The following MTAP variants were observed in gnomAD, a reference collection of about 807,000 sequenced individuals.
The protein encoded by MTAP is methylthioadenosine phosphorylase, also known as S-methyl-5'-thioadenosine phosphorylase.
Under a neutral mutation model 33.6 loss-of-function variants are expected in MTAP, and 33 were observed. The observed-to-expected ratio is 0.98, with a 90% CI of 0.74 to 1.31. The LOEUF is 1.31. MTAP is among the 40% of genes most tolerant of loss of function. MTAP has a pLI of 0.00. For missense variants in MTAP, 367 were observed against 360.0 expected (o/e 1.02, Z -0.16); for synonymous variants, 148 against 125.7 (o/e 1.18, Z -1.19).
At chr9:21,833,200 T>C (rs1357742155) in intron 4 of MTAP, among the ~76,000 whole-genome samples, 1 of 152,136 alleles carries the variant, frequency 6.6e-6, no homozygotes, top group Non-Finnish European at 1.5e-5. Flanking sequence ...CACTTCTCTT[T>C]TTTTTGAGAC....
chr9:21,813,825 C>A (rs1325333433), intron 1 of MTAP: 1 of 152,066 alleles, frequency 6.6e-6, no homozygotes, highest in African/African-American at 2.4e-5. Flanking sequence ...CTTCAGAGGT[C>A]CACGGAATGA....
chr9:21,882,939 A>T (rs994552066), intron 1 of MTAP, among the ~76,000 whole-genome samples: 1 of 151,922 alleles, frequency 6.6e-6, no homozygotes, highest in Admixed American at 6.6e-5. Context: ...ATATGTTCAG[A>T]GGGAAATTTA....
At position 21,866,975 on chromosome 9, in the gene MTAP, G is replaced by A. The variant is rs903361109; in HGVS notation, c.*4961G>A. ...TTTTGTGGAAATGTTACTGTAAATA[G>A]TACTTTAATTTCATTTTTAAGTTTA... On this transcript the variant is annotated 3_prime_UTR_variant, in exon 8 of 8. Transcript: ENST00000644715. 7 of 152,088 alleles carry A rather than the reference G, an allele frequency of 4.6e-5. No individual in the cohort carries two copies. Among genetic ancestry groups the A allele is most frequent in the African/African-American group, 1.7e-4 (7 of 41,422 alleles). The allele number at this position is 152,088 out of a possible 1,614,324, so 9.4% of individuals were successfully genotyped here.
intron 1 of MTAP, among the ~76,000 whole-genome samples, chr9:21,901,494 T>C (rs1482907993): frequency 6.6e-6 from 1 of 152,158 alleles, no homozygotes; most frequent in African/African-American, 2.4e-5. Context: ...GCACAGAAAA[T>C]TGCCACATTT....
downstream of MTAP, chr9:21,935,675 T>C (rs1281149645): frequency 6.6e-6 from 1 of 152,206 alleles, no homozygotes; most frequent in Non-Finnish European, 1.5e-5. Flanking sequence ...GGTTGAGTTT[T>C]TTTTTCTTCT....
chr9:21,896,745 C>T (rs1818300811), intron 1 of MTAP, among the ~76,000 whole-genome samples: 1 of 152,142 alleles, frequency 6.6e-6, no homozygotes, highest in South Asian at 2.1e-4. Flanking sequence ...TAATTAACAC[C>T]CTACCAACCA....
At chr9:21,933,028 A>G (rs905326819), downstream of MTAP, 14 of 152,222 alleles carry the variant, frequency 9.2e-5, no homozygotes, top group African/African-American at 3.4e-4. Flanking sequence ...AGCCACCTGT[A>G]TGCTTTAGTC....
downstream of MTAP, among the ~76,000 whole-genome samples, chr9:21,871,302 CT>C (rs1483254957): frequency 1.3e-5 from 2 of 152,150 alleles, no homozygotes; most frequent in Non-Finnish European, 2.9e-5. Flanking sequence ...TAGCACAACT[CT>C]TTGACCCCAG....
At chr9:21,902,019 T>G (rs576293267) in intron 1 of MTAP, among the ~76,000 whole-genome samples, 1 of 152,192 alleles carries the variant, frequency 6.6e-6, no homozygotes, top group South Asian at 2.1e-4. Context: ...GTAGAATGTA[T>G]GAGAAATAGC....
intron 5 of MTAP, among the ~76,000 whole-genome samples, chr9:21,850,061 G>A (rs928637483): frequency 3.3e-5 from 5 of 152,138 alleles, no homozygotes; most frequent in East Asian, 1.9e-4. Flanking sequence ...GAACTTGATC[G>A]CTTTTTGCTC....
chr9:21,917,376 G>A (rs531982540), intron 1 of MTAP, among the ~76,000 whole-genome samples: 3 of 152,208 alleles, frequency 2.0e-5, no homozygotes. Flanking sequence ...GAGCAGAGAC[G>A]AAAGCAAGGC....
intron 4 of MTAP, among the ~76,000 whole-genome samples, chr9:21,834,912 T>G (rs758018632): frequency 2.0e-5 from 3 of 152,162 alleles, no homozygotes; most frequent in Non-Finnish European, 2.9e-5. Context: ...CACTGGAGGT[T>G]TTTGCAGCCT....
chr9:21,926,055 C>T (rs189630706), intron 1 of MTAP, among the ~76,000 whole-genome samples: 2 of 152,290 alleles, frequency 1.3e-5, no homozygotes, highest in Admixed American at 1.3e-4. Flanking sequence ...GCTTAGTTAA[C>T]CTTTTCCAAA....
At chr9:21,883,321 C>T (rs895492995) in intron 1 of MTAP, among the ~76,000 whole-genome samples, 2 of 151,978 alleles carry the variant, frequency 1.3e-5, no homozygotes, top group South Asian at 2.1e-4. Flanking sequence ...ATTTAAAACA[C>T]CACAATGAGA....
intron 5 of MTAP, among the ~76,000 whole-genome samples, chr9:21,851,020 C>A (rs1474629987): frequency 1.3e-5 from 2 of 152,116 alleles, no homozygotes; most frequent in Non-Finnish European, 2.9e-5. Context: ...GTCTACTACT[C>A]CACAATGGAA....
At chr9:21,914,088 C>A (rs1045301907) in intron 1 of MTAP, among the ~76,000 whole-genome samples, 1 of 152,196 alleles carries the variant, frequency 6.6e-6, no homozygotes, top group Non-Finnish European at 1.5e-5. Flanking sequence ...GAGATACCAT[C>A]TCACACCAGT....
intron 1 of MTAP, chr9:21,812,124 TC>T (rs925782998): frequency 5.7e-5 from 11 of 192,214 alleles, no homozygotes; most frequent in African/African-American, 2.6e-4. Flanking sequence ...CTGCTGGTTG[TC>T]CCAGCTGGTC....
At chr9:21,901,794 A>G (rs1050377522) in intron 1 of MTAP, among the ~76,000 whole-genome samples, 2 of 152,348 alleles carry the variant, frequency 1.3e-5, no homozygotes, top group East Asian at 1.9e-4. Context: ...TTTACAGCCA[A>G]TGCCATCACA....
chr9:21,872,033 C>G (rs532824534), downstream of MTAP, among the ~76,000 whole-genome samples: 1 of 152,288 alleles, frequency 6.6e-6, no homozygotes, highest in East Asian at 1.9e-4. Flanking sequence ...TATCTGCTCT[C>G]TGCCAGGCGT....
Sources: allele counts gnomAD v4.1 joint callset (sites outside exome capture counted in the v4.1 genomes callset), GRCh38; gene constraint gnomAD v4.1.1; transcripts MANE v1.5; gene names NCBI Gene and HGNC (gene_info 2026-07-23, HGNC 2026-07-21).